The following RAVER2 variants were observed in gnomAD, a reference collection of about 807,000 sequenced individuals.
RAVER2 encodes the protein ribonucleoprotein PTB-binding 2.
A neutral mutation model predicts 78.1 loss-of-function variants in RAVER2; 46 were observed. The ratio of observed to expected loss-of-function variants is 0.59; its 90% CI spans 0.46 to 0.75. The LOEUF (loss-of-function observed/expected upper bound fraction) is 0.75. Ranked by LOEUF, RAVER2 falls within the 30% of genes least tolerant of loss-of-function variation. RAVER2 has a pLI of 0.00. For synonymous variants in RAVER2, 311 were observed against 313.3 expected (o/e 0.99, Z 0.08); for missense variants, 793 against 837.5 (o/e 0.95, Z 0.66).
At position 64,771,612 on chromosome 1, in the gene RAVER2, A is replaced by G. The variant is rs190609274; in HGVS notation, c.316+2890A>G. On this transcript the variant is annotated intron_variant, in intron 2 of 11. Transcript: ENST00000294428. ...TTGTGAGATTTGTAACACATGTAGA[A>G]ATAAAATGTGTAACAGCAATAATAC... 2.8e-4 allele frequency among the ~76,000 whole-genome samples: 42 copies of G among 152,206 alleles called. 1 individual carries two copies. In the East Asian group the frequency reaches 7.5e-3, roughly 27 times the overall value.
intron 9 of RAVER2, among the ~76,000 whole-genome samples, chr1:64,812,362 C>CAAAAAA (rs61411897): frequency 1.7e-4 from 12 of 70,032 alleles, no homozygotes; most frequent in South Asian, 5.5e-4. Context: ...ATTCCATCTC[C>CAAAAAA]AAAAAAAAAA....
At chr1:64,766,773 A>G (rs1297335792) in intron 1 of RAVER2, among the ~76,000 whole-genome samples, 1 of 152,170 alleles carries the variant, frequency 6.6e-6, no homozygotes, top group Non-Finnish European at 1.5e-5. Context: ...CTAAAAGCAC[A>G]CACTGGATCC....
chr1:64,768,551 G>A (rs1188871182), intron 1 of RAVER2, 105 bp from the exon 2 acceptor site: 2 of 734,178 alleles, frequency 2.7e-6, no homozygotes, highest in South Asian at 1.6e-5. Context: ...TTTTTACATG[G>A]GACATGGTGG....
At chr1:64,771,449 T>C (rs931583291) in intron 2 of RAVER2, among the ~76,000 whole-genome samples, 3 of 151,988 alleles carry the variant, frequency 2.0e-5, no homozygotes, top group African/African-American at 4.8e-5. Context: ...GGAAGAAAAT[T>C]ATAGATGGAA....
chr1:64,784,062 T>A (rs543900275), intron 4 of RAVER2, among the ~76,000 whole-genome samples: 2 of 152,326 alleles, frequency 1.3e-5, no homozygotes, highest in East Asian at 3.9e-4. Context: ...TTTCAATCTT[T>A]TATTGGTTGG....
rs770870959 is a variant in RAVER2 at position 64,777,597 on chromosome 1, C to T, written c.317-26C>T. ...TGTGTTTTCAAACAATTTGAAAACT[C>T]TTTAATTCATTTCGTTATCTTCCAG... On this transcript the variant is annotated intron_variant, in intron 2 of 11. Transcript: ENST00000294428. 5.8e-6 allele frequency: 9 copies of T among 1,553,840 alleles called. No individual in the cohort carries two copies. The African/African-American group carries it at 6.9e-5, about 12-fold the overall frequency.
chr1:64,785,391 A>T (rs1344478838), intron 4 of RAVER2, among the ~76,000 whole-genome samples: 2 of 147,198 alleles, frequency 1.4e-5, no homozygotes, highest in Non-Finnish European at 3.0e-5. Context: ...TTTTTTTGAA[A>T]TAGAGTCTTG....
intron 1 of RAVER2, among the ~76,000 whole-genome samples, chr1:64,751,819 G>A (rs1002567220): frequency 4.6e-5 from 7 of 151,460 alleles, no homozygotes; most frequent in Non-Finnish European, 1.0e-4. Flanking sequence ...AACTTTCCTC[G>A]CTCAGCTAAA....
chr1:64,781,199 C>T (rs1652615377), intron 3 of RAVER2, among the ~76,000 whole-genome samples, 181 bp from the exon 4 acceptor site: 1 of 152,146 alleles, frequency 6.6e-6, no homozygotes, highest in Admixed American at 6.5e-5. Context: ...CTCCTATCTT[C>T]CTGTCTTCAA....
chr1:64,784,962 A>G (rs1415702584), intron 4 of RAVER2, among the ~76,000 whole-genome samples: 1 of 152,074 alleles, frequency 6.6e-6, no homozygotes, highest in Non-Finnish European at 1.5e-5. Context: ...GTCCCATGTC[A>G]TTAGTCTTTC....
chr1:64,748,799 G>T (rs1158421923), intron 1 of RAVER2, among the ~76,000 whole-genome samples: 1 of 152,144 alleles, frequency 6.6e-6, no homozygotes, highest in Non-Finnish European at 1.5e-5. Flanking sequence ...CTTTTTGTGT[G>T]TTGGCCCCTG....
At chr1:64,777,597 C>G (rs770870959) in intron 2 of RAVER2, 26 bp from the exon 3 acceptor site, 2 of 1,553,840 alleles carry the variant, frequency 1.3e-6, no homozygotes, top group East Asian at 2.2e-5. Context: ...TTTGAAAACT[C>G]TTTAATTCAT....
chr1:64,752,562 T>C (rs1651729700), intron 1 of RAVER2, among the ~76,000 whole-genome samples: 1 of 152,206 alleles, frequency 6.6e-6, no homozygotes, highest in Non-Finnish European at 1.5e-5. Context: ...TCCTCTTGCC[T>C]GTCCTAATTA....
chr1:64,807,340 G>A, exon 9 of RAVER2: 1 of 1,614,084 alleles, frequency 6.2e-7, no homozygotes, highest in East Asian at 2.2e-5. Flanking sequence ...AGCCACGGTG[G>A]GAATGGCAGA....
chr1:64,749,060 G>A (rs1337826962), intron 1 of RAVER2, among the ~76,000 whole-genome samples: 2 of 151,280 alleles, frequency 1.3e-5, no homozygotes, highest in Admixed American at 1.3e-4. Context: ...GGCTGGTCTT[G>A]ACCTCCTGGA....
chr1:64,778,994 T>A (rs1652551878), intron 3 of RAVER2, among the ~76,000 whole-genome samples: 1 of 148,144 alleles, frequency 6.8e-6, no homozygotes, highest in Admixed American at 6.8e-5. Flanking sequence ...AAATATATAT[T>A]AAAATATATA....
intron 4 of RAVER2, among the ~76,000 whole-genome samples, chr1:64,785,024 A>C (rs116210948): frequency 3.3e-5 from 5 of 152,240 alleles, no homozygotes; most frequent in African/African-American, 9.6e-5. Flanking sequence ...CTCATCCTCA[A>C]ATCAGCTTAT....
intron 1 of RAVER2, among the ~76,000 whole-genome samples, chr1:64,761,398 T>C (rs750329855): frequency 1.3e-5 from 2 of 152,164 alleles, no homozygotes; most frequent in Non-Finnish European, 2.9e-5. Flanking sequence ...AGGGAATATA[T>C]AGGCTTGGAG....
chr1:64,817,683 CAG>C (rs1174676280), intron 11 of RAVER2, among the ~76,000 whole-genome samples: 1 of 144,180 alleles, frequency 6.9e-6, no homozygotes, highest in Non-Finnish European at 1.5e-5. Flanking sequence ...TGTTCTGACT[CAG>C]AGGTGAGAAT....
Sources: gnomAD v4.1 joint callset for allele counts (sites outside exome capture counted in the v4.1 genomes callset) on GRCh38, gnomAD v4.1.1 for gene constraint, MANE v1.5 for transcripts, NCBI Gene and HGNC (gene_info 2026-07-23, HGNC 2026-07-21) for gene names.